The following PHC3 variants were observed in gnomAD, a reference collection of about 807,000 sequenced individuals.
PHC3 encodes the protein polyhomeotic homolog 3, also known as polyhomeotic-like protein 3.
A neutral mutation model predicts 107.4 loss-of-function variants in PHC3; 13 were observed. That is an observed-to-expected ratio of 0.12 (90% confidence interval 0.08 to 0.19). The LOEUF (loss-of-function observed/expected upper bound fraction) is 0.19, where lower values mean the gene tolerates loss of function less well. Ranked by LOEUF, PHC3 falls within the 10% of genes least tolerant of loss-of-function variation. The pLI is 1.00. For missense variants in PHC3, 992 were observed against 1,210.9 expected, an observed-to-expected ratio of 0.82 and a Z score of 2.68; for synonymous variants, 456 against 427.4, an observed-to-expected ratio of 1.07 and a Z score of -0.83.
intron 4 of PHC3, among the ~76,000 whole-genome samples, chr3:170,157,525 A>C (rs1727077551): frequency 6.6e-6 from 1 of 152,224 alleles, no homozygotes; most frequent in African/African-American, 2.4e-5. Flanking sequence ...TAGGTTTTGG[A>C]AAAGGCTTCT....
At chr3:170,157,004 CAT>C (rs1727007714) in intron 4 of PHC3, among the ~76,000 whole-genome samples, 1 of 152,098 alleles carries the variant, frequency 6.6e-6, no homozygotes. Flanking sequence ...ATAAAACAAA[CAT>C]AAAAAACCTC....
At chr3:170,103,146 C>T (rs745586454) in intron 12 of PHC3, among the ~76,000 whole-genome samples, 11 of 152,088 alleles carry the variant, frequency 7.2e-5, no homozygotes, top group Admixed American at 5.9e-4. Flanking sequence ...ATATATCTCT[C>T]AATATAATAC....
intron 5 of PHC3, 74 bp from the exon 6 acceptor site, chr3:170,145,595 G>C: frequency 9.8e-7 from 1 of 1,015,848 alleles, no homozygotes; most frequent in Non-Finnish European, 1.4e-6. Flanking sequence ...TAGCAGGCAA[G>C]AGAGACTGAA....
At chr3:170,149,048 C>G (rs1490455892) in intron 5 of PHC3, 38 bp downstream of exon 5, 2 of 1,584,398 alleles carry the variant, frequency 1.3e-6, no homozygotes, top group East Asian at 4.5e-5. Flanking sequence ...TCTCTCAAGT[C>G]CTTAAACACT....
chr3:170,181,093 A>T (rs1025862244), intron 1 of PHC3, among the ~76,000 whole-genome samples: 1 of 152,150 alleles, frequency 6.6e-6, no homozygotes, highest in South Asian at 2.1e-4. Flanking sequence ...CGCTGCACCC[A>T]GAGAATCGAG....
intron 4 of PHC3, 151 bp downstream of exon 4, chr3:170,171,222 T>C (rs1729530875): frequency 1.6e-6 from 1 of 613,838 alleles, no homozygotes; most frequent in Non-Finnish European, 2.8e-6. Flanking sequence ...TTCTGAATTC[T>C]TGAATTTTAT....
chr3:170,130,534 T>C (rs1002397219), intron 7 of PHC3, among the ~76,000 whole-genome samples: 6 of 152,158 alleles, frequency 3.9e-5, no homozygotes, highest in Non-Finnish European at 8.8e-5. Flanking sequence ...CCATTCCAAA[T>C]CTAGGAAAAC....
At chr3:170,176,736 T>A (rs1413145019) in intron 2 of PHC3, 1 of 203,802 alleles carries the variant, frequency 4.9e-6, no homozygotes. Flanking sequence ...GTAGCAATTA[T>A]TCAATAAGTA....
intron 8 of PHC3, chr3:170,128,290 C>A: frequency 9.1e-7 from 1 of 1,103,488 alleles, no homozygotes; most frequent in Non-Finnish European, 1.2e-6. Context: ...ATAAACCATA[C>A]GTTTTGAGAA....
intron 3 of PHC3, 67 bp from the exon 4 acceptor site, chr3:170,171,517 A>G (rs1729598289): frequency 3.6e-6 from 4 of 1,118,316 alleles, no homozygotes; most frequent in Non-Finnish European, 2.6e-6. Context: ...TGGTACCATG[A>G]TAACACAAAA....
intron 1 of PHC3, among the ~76,000 whole-genome samples, chr3:170,180,376 G>T (rs1731191821): frequency 6.6e-6 from 1 of 152,126 alleles, no homozygotes; most frequent in African/African-American, 2.4e-5. Context: ...TTGAGCCCAA[G>T]AGGGCCAGGC....
intron 7 of PHC3, 77 bp downstream of exon 7, chr3:170,136,342 C>T: frequency 6.4e-7 from 1 of 1,559,350 alleles, no homozygotes; most frequent in Non-Finnish European, 8.8e-7. Context: ...CTGTTCAAGT[C>T]ATGAACATCC....
chr3:170,145,428 T>C lies in PHC3; in HGVS notation c.667A>G (p.Thr223Ala). The C allele has an allele frequency of 6.2e-7, 1 of 1,612,290 alleles. No individual in the cohort carries two copies. Among genetic ancestry groups the C allele is most frequent in the Non-Finnish European group, 8.5e-7 (1 of 1,178,710 alleles). Residue 223 changes from threonine to alanine, a missense_variant, in exon 6 of 15, where the codon ACT (threonine) becomes GCT (alanine). Transcript: ENST00000495893. Reference protein sequence around the residue: ...SSSSSCQSAATQVQNLTLRSQ... With the variant: ...SSSSSCQSAAAQVQNLTLRSQ... ...ATGAAGCTAGACAAGCTCACCTGAG[T>C]AGCTGCAGACTGACAGGAAGATGAC... is the stretch of plus-strand genomic sequence containing the variant.
chr3:170,137,390 G>A (rs1723274100), intron 6 of PHC3, among the ~76,000 whole-genome samples: 2 of 152,144 alleles, frequency 1.3e-5, no homozygotes, highest in Admixed American at 1.3e-4. Flanking sequence ...AATCTCAGCT[G>A]AGATTTATAA....
chr3:170,107,418 G>A (rs1186153092), intron 11 of PHC3, among the ~76,000 whole-genome samples: 2 of 152,026 alleles, frequency 1.3e-5, no homozygotes, highest in South Asian at 2.1e-4. Flanking sequence ...ATTGTGATAT[G>A]TCTGATTTTA....
chr3:170,110,895 C>T (rs1717515475), intron 11 of PHC3, among the ~76,000 whole-genome samples: 1 of 152,090 alleles, frequency 6.6e-6, no homozygotes, highest in Non-Finnish European at 1.5e-5. Flanking sequence ...CATTTATATA[C>T]ATATTGTAGA....
Position 170,136,421 on chromosome 3 carries a change from G to A in PHC3, c.917C>T (p.Pro306Leu). Reference protein sequence around the residue: ...RTSSIHQLIAPASYSPIQPHS... With the variant: ...RTSSIHQLIALASYSPIQPHS... The stretch of plus-strand genomic sequence containing the variant: ...TTTCAACAAAAGTTTTATCCCACCT[G>A]GTGCTATTAACTGGTGAATACTTGA... Residue 306 changes from proline to leucine, a missense_variant and splice_region_variant, in exon 7 of 15, where the codon CCA (proline) becomes CTA (leucine). By Grantham distance (98) the Pro-to-Leu change is moderately conservative (BLOSUM62 -3). Transcript: ENST00000495893. 6.2e-7 allele frequency: 1 copy of A among 1,610,904 alleles called. No individual in the cohort carries two copies. Among genetic ancestry groups the A allele is most frequent in the Non-Finnish European group, 8.5e-7 (1 of 1,178,958 alleles).
intron 4 of PHC3, among the ~76,000 whole-genome samples, chr3:170,150,898 A>G (rs909931211): frequency 1.3e-5 from 2 of 151,826 alleles, no homozygotes; most frequent in Non-Finnish European, 2.9e-5. Context: ...CCACATGTAT[A>G]TATTACCCAT....
chr3:170,180,143 C>A (rs1397863425), intron 1 of PHC3, among the ~76,000 whole-genome samples: 9 of 147,958 alleles, frequency 6.1e-5, no homozygotes, highest in African/African-American at 7.6e-5. Context: ...TAAAAAAAAA[C>A]CGAACAAAAA....
Sources: gnomAD v4.1 joint callset for allele counts (sites outside exome capture counted in the v4.1 genomes callset) on GRCh38, gnomAD v4.1.1 for gene constraint, MANE v1.5 for transcripts, NCBI Gene and HGNC (gene_info 2026-07-23, HGNC 2026-07-21) for gene names.